Variants in FOXP1 observed in about 807,000 individuals in gnomAD.
The protein encoded by FOXP1 is forkhead box protein P1.
Under a neutral mutation model 98.2 loss-of-function variants are expected in FOXP1, and 15 were observed. The ratio of observed to expected loss-of-function variants is 0.15; its 90% CI spans 0.10 to 0.24. The LOEUF (loss-of-function observed/expected upper bound fraction) is 0.24. Ranked by LOEUF, FOXP1 falls within the 10% of genes least tolerant of loss-of-function variation. The pLI is 1.00. For synonymous variants in FOXP1, 371 were observed against 314.5 expected (o/e 1.18, Z -1.90); for missense variants, 633 against 848.5 (o/e 0.75, Z 3.15).
chr3:71,031,467 G>A (rs181309878), intron 11 of FOXP1, among the ~76,000 whole-genome samples: 2 of 152,256 alleles, frequency 1.3e-5, no homozygotes, highest in East Asian at 3.9e-4. Flanking sequence ...AATGGAGAAG[G>A]CTTTTTGCCT....
chr3:70,996,039 T>G (rs1014441203), intron 13 of FOXP1, among the ~76,000 whole-genome samples: 1 of 152,220 alleles, frequency 6.6e-6, no homozygotes, highest in African/African-American at 2.4e-5. Flanking sequence ...CAGGCTGCAA[T>G]GCAATGGCGC....
rs780743688 is a variant in FOXP1 at position 70,977,976 on chromosome 3, T to C, written c.1200A>G (p.Pro400=). Residue 400 remains proline (P), a synonymous_variant, in exon 15 of 21, where the codon CCA becomes CCG. Transcript: ENST00000649528. ...TCGTTGGAGTATGAGGTAAGCTCTG[T>C]GGAGAAGCCTCCGATGCGGACTTGG... is the stretch of plus-strand genomic sequence containing the variant. ...TLSKSASEAS[P]QSLPHTPTTP... 1.2e-6 allele frequency: 2 copies of C among 1,614,052 alleles called. No homozygotes were observed. Among genetic ancestry groups the C allele is most frequent in the Admixed American group, 1.7e-5 (1 of 60,002 alleles).
intron 2 of FOXP1, among the ~76,000 whole-genome samples, chr3:71,556,118 TAA>T (rs1308354953): frequency 6.6e-6 from 1 of 152,036 alleles, no homozygotes; most frequent in Non-Finnish European, 1.5e-5. Flanking sequence ...GTCTATAACG[TAA>T]AAAGACTTCT....
At chr3:71,397,084 G>GTGTATATATATATACATATATA (rs2081555647) in intron 3 of FOXP1, among the ~76,000 whole-genome samples, 1 of 7,040 alleles carries the variant, frequency 1.4e-4, no homozygotes, top group African/African-American at 6.0e-4. Context: ...ACATATATAT[G>GTGTATATATATATACATATATA]TGTATATATA....
At chr3:71,413,085 C>T (rs944691859) in intron 3 of FOXP1, among the ~76,000 whole-genome samples, 7 of 151,988 alleles carry the variant, frequency 4.6e-5, no homozygotes, top group South Asian at 2.1e-4. Context: ...AACCAAAAAC[C>T]GACAAACAGC....
At chr3:71,361,970 C>T (rs1342218519) in intron 3 of FOXP1, among the ~76,000 whole-genome samples, 1 of 152,102 alleles carries the variant, frequency 6.6e-6, no homozygotes, top group East Asian at 1.9e-4. Context: ...CCCCATATAT[C>T]GTCAAGGACA....
chr3:71,371,519 C>A (rs2079312821), intron 3 of FOXP1, among the ~76,000 whole-genome samples: 1 of 152,234 alleles, frequency 6.6e-6, no homozygotes, highest in Non-Finnish European at 1.5e-5. Context: ...GGTGCAGTGA[C>A]TCATGCCTGT....
At chr3:71,390,082 G>A (rs932416183) in intron 3 of FOXP1, among the ~76,000 whole-genome samples, 2 of 152,106 alleles carry the variant, frequency 1.3e-5, no homozygotes, top group Admixed American at 6.5e-5. Flanking sequence ...CGAAGGGCTC[G>A]GAGCAGCTGG....
At chr3:71,495,034 T>A (rs1339221420) in intron 2 of FOXP1, among the ~76,000 whole-genome samples, 1 of 152,200 alleles carries the variant, frequency 6.6e-6, no homozygotes, top group Non-Finnish European at 1.5e-5. Context: ...GGGCCCTACA[T>A]AATCTGGCCA....
intron 3 of FOXP1, among the ~76,000 whole-genome samples, chr3:71,439,620 C>T (rs1322037233): frequency 1.3e-5 from 2 of 152,156 alleles, no homozygotes; most frequent in Non-Finnish European, 2.9e-5. Context: ...AAAATGTACA[C>T]ACATTCAACA....
chr3:71,412,074 T>TCC (rs2082794507), intron 3 of FOXP1, among the ~76,000 whole-genome samples: 1 of 152,120 alleles, frequency 6.6e-6, no homozygotes, highest in East Asian at 1.9e-4. Context: ...AGCACCTGTC[T>TCC]CTCCCTGCAG....
intron 5 of FOXP1, among the ~76,000 whole-genome samples, chr3:71,244,116 C>T (rs917272780): frequency 1.3e-5 from 2 of 152,128 alleles, no homozygotes; most frequent in African/African-American, 4.8e-5. Flanking sequence ...TTAGCTGCTG[C>T]CATAAATTCA....
At chr3:71,429,486 G>C (rs1247993867) in intron 3 of FOXP1, among the ~76,000 whole-genome samples, 2 of 136,830 alleles carry the variant, frequency 1.5e-5, no homozygotes, top group East Asian at 5.3e-4. Context: ...TTGGGGGTGG[G>C]GGGGCGGGAG....
intron 5 of FOXP1, among the ~76,000 whole-genome samples, chr3:71,232,017 C>T (rs1288086573): frequency 6.6e-6 from 1 of 152,242 alleles, no homozygotes; most frequent in Non-Finnish European, 1.5e-5. Context: ...TGGCCTATTT[C>T]AGCATCGTCA....
At chr3:71,229,895 C>T (rs1488123148) in intron 5 of FOXP1, among the ~76,000 whole-genome samples, 5 of 152,116 alleles carry the variant, frequency 3.3e-5, no homozygotes. Flanking sequence ...TCCACGGCCA[C>T]TCGAGTATCC....
At chr3:71,482,105 C>T (rs1359045109) in intron 3 of FOXP1, among the ~76,000 whole-genome samples, 1 of 152,188 alleles carries the variant, frequency 6.6e-6, no homozygotes, top group Non-Finnish European at 1.5e-5. Flanking sequence ...CTGACACGCA[C>T]ATGTCGCCTG....
intron 2 of FOXP1, among the ~76,000 whole-genome samples, chr3:71,551,668 T>C (rs1408761138): frequency 6.6e-6 from 1 of 152,230 alleles, no homozygotes; most frequent in African/African-American, 2.4e-5. Context: ...AAACCAATTT[T>C]AACTGTTTTG....
intron 14 of FOXP1, among the ~76,000 whole-genome samples, chr3:70,983,486 A>G (rs893709689): frequency 6.6e-6 from 1 of 152,208 alleles, no homozygotes; most frequent in Non-Finnish European, 1.5e-5. Context: ...AAACTCTTTC[A>G]AAACAGTCCT....
chr3:71,525,020 C>A (rs2043268105), intron 2 of FOXP1, among the ~76,000 whole-genome samples: 2 of 152,158 alleles, frequency 1.3e-5, no homozygotes, highest in African/African-American at 4.8e-5. Flanking sequence ...GAATTAAAGC[C>A]CCCATGATTC....
Sources: allele counts gnomAD v4.1 joint callset (sites outside exome capture counted in the v4.1 genomes callset), GRCh38; gene constraint gnomAD v4.1.1; transcripts MANE v1.5; gene names NCBI Gene and HGNC (gene_info 2026-07-23, HGNC 2026-07-21).